The following POLR1D variants were observed in gnomAD, a reference collection of about 807,000 sequenced individuals.
POLR1D encodes the protein RNA polymerase I and III subunit D.
Under a neutral mutation model 10.8 loss-of-function variants are expected in POLR1D, and 8 were observed. The ratio of observed to expected loss-of-function variants is 0.74; its 90% CI spans 0.43 to 1.33. POLR1D has a LOEUF of 1.33. Ranked by LOEUF, POLR1D falls within the 40% of genes most tolerant of loss-of-function variation. POLR1D has a pLI of 0.01. For synonymous variants in POLR1D, 54 were observed against 57.2 expected, an observed-to-expected ratio of 0.94 and a Z score of 0.25; for missense variants, 152 against 161.7, an observed-to-expected ratio of 0.94 and a Z score of 0.32.
At chr13:27,664,267 T>G (rs1956394083) in intron 2 of POLR1D, among the ~76,000 whole-genome samples, 1 of 152,250 alleles carries the variant, frequency 6.6e-6, no homozygotes, top group South Asian at 2.1e-4. Context: ...GGAAGCTCTG[T>G]GAAGCTCTAT....
At chr13:27,658,058 T>G (rs1228547479) in intron 2 of POLR1D, among the ~76,000 whole-genome samples, 2 of 152,162 alleles carry the variant, frequency 1.3e-5, no homozygotes, top group Admixed American at 6.6e-5. Context: ...GTGAGAAACT[T>G]TTAACCACTA....
chr13:27,667,359 T>C (rs900430246), exon 3 of POLR1D: 1 of 152,272 alleles, frequency 6.6e-6, no homozygotes, highest in Admixed American at 6.5e-5. Context: ...CACAAAGTCA[T>C]GGAGTTTTTA....
downstream of POLR1D, among the ~76,000 whole-genome samples, chr13:27,624,477 A>T (rs192365285): frequency 6.6e-6 from 1 of 151,226 alleles, no homozygotes; most frequent in Non-Finnish European, 1.5e-5. Context: ...CACTCAGCCA[A>T]ATTCTTTAAA....
rs187221845 is a variant in POLR1D, at chr13:27,637,632, G to A, written c.27-10747G>A. 2.0e-5 allele frequency among the ~76,000 whole-genome samples: 3 copies of A among 152,152 alleles called. No homozygotes were observed. In the East Asian group the frequency reaches 5.8e-4, roughly 29 times the overall value. On this transcript the variant is annotated intron_variant, in intron 1 of 2. Coordinates refer to the POLR1D transcript ENST00000399697. ...AATATGGAATTTTCCCAAAACACTT[G>A]TATATATATTAACTAAGTTTTTAAA...
At chr13:27,650,982 A>G (rs1441568771) in intron 2 of POLR1D, 1 of 152,222 alleles carries the variant, frequency 6.6e-6, no homozygotes, top group East Asian at 1.9e-4. Flanking sequence ...AGAAAACTTT[A>G]CAGAAGAATT....
At chr13:27,620,825 G>C (rs1182055563), upstream of POLR1D, 3 of 153,230 alleles carry the variant, frequency 2.0e-5, no homozygotes, top group Non-Finnish European at 4.4e-5. Flanking sequence ...AGCCCCGCTG[G>C]CTAGGTGTCT....
downstream of POLR1D, among the ~76,000 whole-genome samples, chr13:27,625,992 G>A (rs910483324): frequency 1.3e-5 from 2 of 152,194 alleles, no homozygotes; most frequent in African/African-American, 4.8e-5. Flanking sequence ...CATTGGAAGA[G>A]GTGAGTTTAG....
At chr13:27,638,184 T>C (rs994117528) in intron 1 of POLR1D, among the ~76,000 whole-genome samples, 6 of 152,178 alleles carry the variant, frequency 3.9e-5, no homozygotes, top group African/African-American at 1.4e-4. Context: ...ACACCCTCTA[T>C]TTCACTGGCC....
At chr13:27,625,968 G>C (rs1051659055), downstream of POLR1D, among the ~76,000 whole-genome samples, 8 of 152,134 alleles carry the variant, frequency 5.3e-5, no homozygotes, top group African/African-American at 1.9e-4. Flanking sequence ...TCCAATAAAA[G>C]AATCACATGA....
intron 2 of POLR1D, among the ~76,000 whole-genome samples, chr13:27,656,190 T>C (rs540308323): frequency 6.6e-6 from 1 of 152,258 alleles, no homozygotes. Context: ...AACTTCTACA[T>C]AGAAAAAGAT....
intron 1 of POLR1D, among the ~76,000 whole-genome samples, chr13:27,630,449 A>G (rs757578094): frequency 6.6e-6 from 1 of 152,260 alleles, no homozygotes; most frequent in Middle Eastern, 3.4e-3. Context: ...TGGGGTTACA[A>G]TTTTTGTTTT....
At position 27,647,442 on chromosome 13, in the gene POLR1D, C is replaced by T. The variant is rs558679639; in HGVS notation, c.27-937C>T. On this transcript the variant is annotated intron_variant, in intron 1 of 2. Transcript: ENST00000399697. ...CTTGCTATGTTGCCCAGGCTGGTCTCAAACTCCTGGCTTCAGGTGATCCTC... is the reference window on the plus strand; with the variant it reads ...CTTGCTATGTTGCCCAGGCTGGTCTTAAACTCCTGGCTTCAGGTGATCCTC... 2.3e-3 allele frequency among the ~76,000 whole-genome samples: 346 copies of T among 152,086 alleles called. 1 individual carries two copies. Among genetic ancestry groups the T allele is most frequent in the African/African-American group, 7.9e-3 (327 of 41,506 alleles).
Position 27,622,863 on chromosome 13 carries a change from AT to A in POLR1D, c.27-11del, listed in dbSNP as rs780656601. 6.4e-7 allele frequency: 1 copy of A among 1,571,004 alleles called. No individual in the cohort carries two copies. On this transcript the variant is annotated splice_polypyrimidine_tract_variant and intron_variant, in intron 1 of 1. Coordinates refer to ENST00000302979, the MANE Select transcript of POLR1D (RefSeq NM_015972.4). ...CAGTATGATCTCATTTTTATAAAAAATATGTGTGTAGAAAAATATCTGGATT... is the reference window on the plus strand; with the variant it reads ...CAGTATGATCTCATTTTTATAAAAAAATGTGTGTAGAAAAATATCTGGATT...
chr13:27,665,657 T>C, intron 2 of POLR1D: 3 of 1,608,262 alleles, frequency 1.9e-6, no homozygotes, highest in Admixed American at 1.7e-5. Flanking sequence ...TGATTTGTGA[T>C]GGTTTTTCTT....
Position 27,623,327 on chromosome 13 carries a change from T to C in POLR1D, c.*77T>C. 1 of 1,599,014 alleles carries C rather than the reference T, an allele frequency of 6.3e-7. No individual in the cohort carries two copies. Among genetic ancestry groups the C allele is most frequent in the Non-Finnish European group, 8.5e-7 (1 of 1,173,652 alleles). On this transcript the variant is annotated 3_prime_UTR_variant, in exon 2 of 2. Transcript: ENST00000302979. ...ATGGTGCAGAACCCAGAATTAGAAGTTTGTGGTTACAGCATACTCTGTCCT... is the reference window on the plus strand; with the variant it reads ...ATGGTGCAGAACCCAGAATTAGAAGCTTGTGGTTACAGCATACTCTGTCCT...
intron 1 of POLR1D, among the ~76,000 whole-genome samples, chr13:27,636,301 G>T (rs1299631856): frequency 6.6e-6 from 1 of 152,076 alleles, no homozygotes; most frequent in Non-Finnish European, 1.5e-5. Context: ...ATATTATTTA[G>T]TGTTAGGCAA....
At chr13:27,622,767 G>T in intron 1 of POLR1D, 108 bp from the exon 2 acceptor site, 1 of 707,322 alleles carries the variant, frequency 1.4e-6, no homozygotes, top group Middle Eastern at 3.0e-4. Flanking sequence ...CTGTGTAGCT[G>T]GAGTAGATTA....
chr13:27,665,900 C>T, exon 3 of POLR1D: 2 of 1,614,196 alleles, frequency 1.2e-6, no homozygotes, highest in South Asian at 2.2e-5. Flanking sequence ...TTACTCCCCG[C>T]CACGAAAGCG....
intron 2 of POLR1D, among the ~76,000 whole-genome samples, chr13:27,662,874 C>T (rs907175441): frequency 1.3e-5 from 2 of 152,092 alleles, no homozygotes; most frequent in African/African-American, 2.4e-5. Flanking sequence ...TTAAGATAGT[C>T]GCCATTATTA....
Sources: allele counts gnomAD v4.1 joint callset (sites outside exome capture counted in the v4.1 genomes callset), GRCh38; gene constraint gnomAD v4.1.1; transcripts MANE v1.5; gene names NCBI Gene and HGNC (gene_info 2026-07-23, HGNC 2026-07-21).